The following ENOX1 variants were observed in gnomAD, a reference collection of about 807,000 sequenced individuals.
ENOX1 encodes ecto-NOX disulfide-thiol exchanger 1, also known as candidate growth-related and time keeping constitutive hydroquinone (NADH) oxidase.
In ENOX1, 42 loss-of-function variants were observed where a neutral mutation model predicts 82.5. That is an observed-to-expected ratio of 0.51 (90% CI 0.40 to 0.66). ENOX1 has a LOEUF of 0.66. Ranked by LOEUF, ENOX1 falls within the 30% of genes least tolerant of loss-of-function variation. The pLI, the probability that ENOX1 is intolerant of heterozygous loss-of-function variation, is 0.00. For synonymous variants in ENOX1, 271 were observed against 282.2 expected (o/e 0.96, Z 0.40); for missense variants, 608 against 811.6 (o/e 0.75, Z 3.05).
At chr13:43,612,750 A>G (rs917633925) in intron 2 of ENOX1, among the ~76,000 whole-genome samples, 2 of 152,200 alleles carry the variant, frequency 1.3e-5, no homozygotes, top group Non-Finnish European at 2.9e-5. Context: ...CCCAAAATAA[A>G]TCAGTAGCAA....
intron 12 of ENOX1, among the ~76,000 whole-genome samples, chr13:43,274,903 G>A (rs1275108057): frequency 6.6e-6 from 1 of 152,170 alleles, no homozygotes; most frequent in Non-Finnish European, 1.5e-5. Context: ...CAAATTCAAA[G>A]AGCATTACAA....
intron 2 of ENOX1, among the ~76,000 whole-genome samples, chr13:43,498,929 A>G (rs2076885490): frequency 6.6e-6 from 1 of 152,144 alleles, no homozygotes; most frequent in South Asian, 2.1e-4. Context: ...AGAGGAAAGT[A>G]GTAATTGTGG....
chr13:43,384,474 C>T (rs938409123), intron 5 of ENOX1, among the ~76,000 whole-genome samples: 2 of 152,162 alleles, frequency 1.3e-5, no homozygotes, highest in African/African-American at 4.8e-5. Context: ...TATTCATTCC[C>T]ATAACCCCAT....
chr13:43,711,744 C>T (rs2087732579), intron 1 of ENOX1, among the ~76,000 whole-genome samples: 1 of 151,668 alleles, frequency 6.6e-6, no homozygotes, highest in Non-Finnish European at 1.5e-5. Context: ...TGTTCATATC[C>T]TTCACCCACT....
chr13:43,324,611 G>C (rs2048003097), intron 10 of ENOX1, among the ~76,000 whole-genome samples: 1 of 152,162 alleles, frequency 6.6e-6, no homozygotes, highest in African/African-American at 2.4e-5. Flanking sequence ...GAATTCTGTG[G>C]CCTAATGTAT....
chr13:43,583,588 T>C (rs2080846009), intron 2 of ENOX1, among the ~76,000 whole-genome samples: 1 of 152,176 alleles, frequency 6.6e-6, no homozygotes, highest in African/African-American at 2.4e-5. Flanking sequence ...CTAAATATCC[T>C]ATCTACCCAT....
chr13:43,568,432 C>T (rs1266330133), intron 2 of ENOX1, among the ~76,000 whole-genome samples: 1 of 152,134 alleles, frequency 6.6e-6, no homozygotes, highest in African/African-American at 2.4e-5. Context: ...GACAGAGACT[C>T]CTCTGGTCTT....
At chr13:43,560,251 A>G (rs959559151) in intron 2 of ENOX1, among the ~76,000 whole-genome samples, 1 of 152,104 alleles carries the variant, frequency 6.6e-6, no homozygotes, top group African/African-American at 2.4e-5. Context: ...CTATATTCCT[A>G]TTGGTATGCT....
chr13:43,410,981 A>G (rs2054095177), intron 5 of ENOX1, among the ~76,000 whole-genome samples: 1 of 152,208 alleles, frequency 6.6e-6, no homozygotes, highest in African/African-American at 2.4e-5. Flanking sequence ...ACAGCGGCTC[A>G]ATGAGTATTT....
intron 2 of ENOX1, among the ~76,000 whole-genome samples, chr13:43,601,360 G>A (rs1365570267): frequency 1.3e-5 from 2 of 151,968 alleles, no homozygotes; most frequent in Non-Finnish European, 2.9e-5. Context: ...AAAGAATCAA[G>A]AAGAAATTCT....
At chr13:43,242,559 G>A (rs941543066) in intron 14 of ENOX1, among the ~76,000 whole-genome samples, 1 of 152,234 alleles carries the variant, frequency 6.6e-6, no homozygotes, top group African/African-American at 2.4e-5. Context: ...AGGTGGCCAT[G>A]AGGCAGTGGA....
At chr13:43,417,525 T>G (rs1448426693) in intron 3 of ENOX1, among the ~76,000 whole-genome samples, 1 of 152,230 alleles carries the variant, frequency 6.6e-6, no homozygotes, top group Non-Finnish European at 1.5e-5. Context: ...TTGTTCCTAT[T>G]GAATACCTGC....
chr13:43,589,329 C>A (rs1470960382), intron 2 of ENOX1, among the ~76,000 whole-genome samples: 1 of 151,076 alleles, frequency 6.6e-6, no homozygotes, highest in Admixed American at 6.6e-5. Context: ...TGAAAGAGAG[C>A]ACCAAAAGCC....
intron 1 of ENOX1, among the ~76,000 whole-genome samples, chr13:43,705,305 A>ACTCTCTCTCT (rs33978402): frequency 7.5e-6 from 1 of 132,652 alleles, no homozygotes; most frequent in Non-Finnish European, 1.6e-5. Flanking sequence ...ACAAACAACA[A>ACTCTCTCTCT]CTCTCTCTCT....
chr13:43,779,800 T>C lies in ENOX1; in HGVS notation c.-285+6852A>G, dbSNP rs1170232706. Reference sequence around the variant, plus strand: ...TGCACAGTCCACTTGCCAGAACACATTGAATCTGTGCACTTCCCTGCAAGC... The same window carrying C: ...TGCACAGTCCACTTGCCAGAACACACTGAATCTGTGCACTTCCCTGCAAGC... On this transcript the variant is annotated intron_variant, in intron 1 of 16. Coordinates refer to ENST00000690772, the MANE Select transcript of ENOX1 (RefSeq NM_001347969.2). Among the ~76,000 whole-genome samples the C allele has an allele frequency of 2.0e-5, 3 of 152,148 alleles. No homozygotes were observed. The East Asian group carries it at 5.8e-4, about 29-fold the overall frequency.
At chr13:43,386,708 A>G (rs2052433827) in intron 5 of ENOX1, among the ~76,000 whole-genome samples, 1 of 152,238 alleles carries the variant, frequency 6.6e-6, no homozygotes, top group Non-Finnish European at 1.5e-5. Context: ...TGGTCCAAGA[A>G]TATGATTGTC....
intron 3 of ENOX1, among the ~76,000 whole-genome samples, chr13:43,470,319 C>CGTGT (rs35482540): frequency 2.7e-5 from 1 of 37,526 alleles, no homozygotes; most frequent in African/African-American, 8.1e-5. Flanking sequence ...TATATATACA[C>CGTGT]ATATATATAT....
intron 2 of ENOX1, among the ~76,000 whole-genome samples, chr13:43,625,886 T>C (rs2082941545): frequency 6.6e-6 from 1 of 151,958 alleles, no homozygotes; most frequent in Non-Finnish European, 1.5e-5. Context: ...CTTCCTTTCC[T>C]ATTTTCTGGA....
chr13:43,293,573 G>C (rs756182949), intron 12 of ENOX1, among the ~76,000 whole-genome samples: 6 of 152,102 alleles, frequency 3.9e-5, no homozygotes, highest in Non-Finnish European at 8.8e-5. Context: ...TCTTGATTTT[G>C]ACATATAACA....
Sources: gnomAD v4.1 joint callset for allele counts (sites outside exome capture counted in the v4.1 genomes callset) on GRCh38, gnomAD v4.1.1 for gene constraint, MANE v1.5 for transcripts, NCBI Gene and HGNC (gene_info 2026-07-23, HGNC 2026-07-21) for gene names.